The following RBPMS variants were observed in gnomAD, a reference collection of about 807,000 sequenced individuals.
RBPMS encodes the protein RNA-binding protein with multiple splicing.
Under a neutral mutation model 26.8 loss-of-function variants are expected in RBPMS, and 7 were observed. The observed-to-expected ratio is 0.26, with a 90% CI of 0.15 to 0.49. The LOEUF is 0.49. Among genes scored for constraint, RBPMS ranks in the 20% least tolerant of loss-of-function variants. The pLI is 0.98. For synonymous variants in RBPMS, 96 were observed against 93.3 expected, an observed-to-expected ratio of 1.03 and a Z score of -0.17; for missense variants, 186 against 250.0, an observed-to-expected ratio of 0.74 and a Z score of 1.73.
intron 1 of RBPMS, among the ~76,000 whole-genome samples, chr8:30,436,152 G>A (rs1039572596): frequency 6.6e-6 from 1 of 152,110 alleles, no homozygotes; most frequent in African/African-American, 2.4e-5. Context: ...TTTTCTCAGA[G>A]TAATGACATC....
At chr8:30,511,482 AAAAAATATATATATATAT>A (rs1222874570) in intron 5 of RBPMS, among the ~76,000 whole-genome samples, 6 of 6,792 alleles carry the variant, frequency 8.8e-4, no homozygotes, top group African/African-American at 1.5e-3. Flanking sequence ...AAAAAAAAAA[AAAAAATATATATATATAT>A]ATATATATAT....
At chr8:30,521,579 C>T (rs1286613852) in intron 5 of RBPMS, among the ~76,000 whole-genome samples, 1 of 152,030 alleles carries the variant, frequency 6.6e-6, no homozygotes, top group Non-Finnish European at 1.5e-5. Flanking sequence ...GGGTTATTAT[C>T]GTATAAAATT....
At chr8:30,489,337 C>T (rs527924867) in intron 4 of RBPMS, among the ~76,000 whole-genome samples, 2 of 152,244 alleles carry the variant, frequency 1.3e-5, no homozygotes, top group South Asian at 2.1e-4. Flanking sequence ...TGAGCCATTG[C>T]GCCTGACCGA....
intron 6 of RBPMS, among the ~76,000 whole-genome samples, chr8:30,551,606 G>A (rs1214165266): frequency 1.3e-5 from 2 of 152,038 alleles, no homozygotes; most frequent in Non-Finnish European, 2.9e-5. Flanking sequence ...CTTCTCCCCT[G>A]TCCTTAATAG....
At chr8:30,547,446 C>G (rs764114490) in intron 6 of RBPMS, 57 of 1,578,418 alleles carry the variant, frequency 3.6e-5, no homozygotes, top group Middle Eastern at 1.7e-4. Flanking sequence ...GCTATTTTCC[C>G]CCCTTTCACA....
At chr8:30,431,576 G>A (rs1228040824) in intron 1 of RBPMS, among the ~76,000 whole-genome samples, 1 of 151,700 alleles carries the variant, frequency 6.6e-6, no homozygotes, top group Non-Finnish European at 1.5e-5. Flanking sequence ...TGAACCTCTA[G>A]AGTAGCTGGG....
At chr8:30,417,959 A>T (rs539750650) in intron 1 of RBPMS, among the ~76,000 whole-genome samples, 79 of 152,378 alleles carry the variant, frequency 5.2e-4, no homozygotes, top group Admixed American at 1.6e-3. Flanking sequence ...TATAGTTGAT[A>T]TGTGTTACCA....
chr8:30,527,859 A>G (rs1477712755), intron 5 of RBPMS, among the ~76,000 whole-genome samples: 1 of 152,184 alleles, frequency 6.6e-6, no homozygotes, highest in African/African-American at 2.4e-5. Context: ...CACTTTCTCC[A>G]TGGTTATAAT....
chr8:30,528,337 C>T (rs58040983), intron 5 of RBPMS, among the ~76,000 whole-genome samples: 35,847 of 151,970 alleles, frequency 0.24, 4,683 homozygotes, highest in East Asian at 0.4. Context: ...GTCTGATCAG[C>T]CCTGAAATTT....
At chr8:30,434,694 ACT>A (rs2150681600) in intron 1 of RBPMS, among the ~76,000 whole-genome samples, 1 of 143,084 alleles carries the variant, frequency 7.0e-6, no homozygotes, top group African/African-American at 2.8e-5. Context: ...ACAGAGCGAG[ACT>A]CTGCCTCGAA....
chr8:30,549,746 CTTTCCTTTT>C (rs1826151682), intron 6 of RBPMS, among the ~76,000 whole-genome samples: 2 of 112,466 alleles, frequency 1.8e-5, no homozygotes, highest in South Asian at 5.5e-4. Context: ...TTCTTTCTTT[CTTTCCTTTT>C]CTTTTCTTTT....
intron 6 of RBPMS, chr8:30,556,541 G>A (rs1194822085): frequency 1.0e-5 from 10 of 986,552 alleles, no homozygotes; most frequent in South Asian, 4.7e-5. Context: ...ACACCGTCAC[G>A]TCTTGGCCTC....
At chr8:30,389,752 A>G (rs184350624) in intron 1 of RBPMS, among the ~76,000 whole-genome samples, 12 of 152,320 alleles carry the variant, frequency 7.9e-5, no homozygotes, top group African/African-American at 2.9e-4. Flanking sequence ...TGCAACCACT[A>G]AAGGCTCCGT....
chr8:30,493,200 C>T (rs1377775479), intron 4 of RBPMS, among the ~76,000 whole-genome samples: 1 of 152,124 alleles, frequency 6.6e-6, no homozygotes, highest in Non-Finnish European at 1.5e-5. Flanking sequence ...ATAGGTTTTC[C>T]CCAAATCACC....
intron 1 of RBPMS, among the ~76,000 whole-genome samples, chr8:30,408,222 G>C (rs890948049): frequency 6.6e-6 from 1 of 152,094 alleles, no homozygotes; most frequent in African/African-American, 2.4e-5. Flanking sequence ...ACGAATGGCA[G>C]ATTCCTTTTC....
rs1585909144 is a variant in RBPMS, at chr8:30,566,283, A to G, written c.*34A>G. On this transcript the variant is annotated 3_prime_UTR_variant, in exon 8 of 9. Coordinates refer to ENST00000397323, the MANE Select transcript of RBPMS (RefSeq NM_001008710.3). ...TCCCAGGTGTGTGATGGCGGCTGCA[A>G]TCTGTCTTGTGGGTATTAATGCAAT... 9.1e-6 allele frequency: 9 copies of G among 985,968 alleles called. No homozygotes were observed. The East Asian group carries it at 5.7e-4, about 62-fold the overall frequency. The allele number at this position is 985,968 out of a possible 1,614,324, so 61.1% of individuals were successfully genotyped here. A position where few individuals can be genotyped will look rare whatever the true frequency, so the allele number is the denominator to read the frequency against.
chr8:30,558,685 G>A lies in RBPMS; in HGVS notation c.529-202G>A, dbSNP rs536010375. 3.0e-5 allele frequency: 19 copies of A among 633,596 alleles called. No individual in the cohort carries two copies. In the African/African-American group the frequency reaches 3.1e-4, roughly 10 times the overall value. The allele number at this position is 633,596 out of a possible 1,614,324, so 39.2% of individuals were successfully genotyped here. ...GGTGCTTTCCTCAGAGAGCTTGCCT[G>A]TGTGTTCATAATGGTGTGTGGAACG... is the stretch of plus-strand genomic sequence containing the variant. On this transcript the variant is annotated intron_variant, in intron 6 of 8. Transcript: ENST00000397323.
intron 1 of RBPMS, among the ~76,000 whole-genome samples, chr8:30,455,773 G>A (rs765946655): frequency 3.0e-4 from 45 of 151,960 alleles, no homozygotes; most frequent in Non-Finnish European, 5.3e-4. Flanking sequence ...GCCTGTAGTC[G>A]CAACTACTCG....
chr8:30,390,286 G>A (rs1051792722), intron 1 of RBPMS, among the ~76,000 whole-genome samples: 2 of 152,216 alleles, frequency 1.3e-5, no homozygotes, highest in South Asian at 4.1e-4. Context: ...CTAGCGGTGA[G>A]AATCAGGTCT....
Sources: gnomAD v4.1 joint callset for allele counts (sites outside exome capture counted in the v4.1 genomes callset) on GRCh38, gnomAD v4.1.1 for gene constraint, MANE v1.5 for transcripts, NCBI Gene and HGNC (gene_info 2026-07-23, HGNC 2026-07-21) for gene names.